DNAH3: variants seen among roughly 807,000 people sequenced by gnomAD.
DNAH3 encodes axonemal beta dynein heavy chain 3.
Under a neutral mutation model 432.5 loss-of-function variants are expected in DNAH3, and 332 were observed. The ratio of observed to expected loss-of-function variants is 0.77; its 90% confidence interval spans 0.70 to 0.84. DNAH3 has a LOEUF of 0.84. Among genes scored for constraint, DNAH3 ranks in the 40% least tolerant of loss-of-function variants. The probability of loss-of-function intolerance (pLI) is 0.00; values close to 1 mark genes in which losing one functional copy is unlikely to be tolerated. For missense variants in DNAH3, 4,861 were observed against 5,114.0 expected (o/e 0.95, Z 1.51); for synonymous variants, 1,956 against 1,900.2 (o/e 1.03, Z -0.76).
rs1454809884 is a variant in DNAH3, at chr16:20,986,890, G to A, written c.7026+415C>T. On this transcript the variant is annotated intron_variant, in intron 47 of 61. Transcript: ENST00000261383. ...ATGTTTAAAACAACTTTTCTTATAT[G>A]GAAATGGAAAAGAGAAAATATTCAC... 2.0e-5 allele frequency among the ~76,000 whole-genome samples: 3 copies of A among 152,212 alleles called. No homozygotes were observed. The East Asian group carries it at 5.8e-4, about 29-fold the overall frequency.
At chr16:21,051,860 C>A in exon 29 of DNAH3, 1 of 1,614,182 alleles carries the variant, frequency 6.2e-7, no homozygotes, top group Non-Finnish European at 8.5e-7. Context: ...TTGGCCACCA[C>A]GTCGCGGGCT....
intron 7 of DNAH3, among the ~76,000 whole-genome samples, chr16:21,132,012 T>A (rs551905212): frequency 6.6e-6 from 1 of 152,312 alleles, no homozygotes; most frequent in Non-Finnish European, 1.5e-5. Flanking sequence ...TATTACTTTA[T>A]ATGGTTCCAC....
chr16:21,159,343 C>A, exon 1 of DNAH3: 1 of 1,614,176 alleles, frequency 6.2e-7, no homozygotes, highest in Non-Finnish European at 8.5e-7. Flanking sequence ...CACTCCCTTC[C>A]TCCTCTCCTT....
At chr16:20,936,296 G>T (rs1478622305) in intron 60 of DNAH3, among the ~76,000 whole-genome samples, 1 of 151,976 alleles carries the variant, frequency 6.6e-6, no homozygotes, top group African/African-American at 2.4e-5. Flanking sequence ...GAGACTACAG[G>T]CATAAGCCAC....
At chr16:21,150,315 C>A in intron 1 of DNAH3, 1 of 455,750 alleles carries the variant, frequency 2.2e-6, no homozygotes, top group Non-Finnish European at 4.4e-6. Flanking sequence ...ATCCATGTCA[C>A]CCATGGTGTC....
intron 11 of DNAH3, among the ~76,000 whole-genome samples, chr16:21,119,786 C>T (rs537936746): frequency 9.2e-4 from 140 of 151,652 alleles, no homozygotes; most frequent in African/African-American, 3.3e-3. Context: ...TTAGTAGAGA[C>T]GGGGTTTCAC....
chr16:20,982,068 A>G (rs924023041), intron 49 of DNAH3, among the ~76,000 whole-genome samples: 1 of 150,366 alleles, frequency 6.7e-6, no homozygotes, highest in Non-Finnish European at 1.5e-5. Flanking sequence ...TATACATAAA[A>G]GAGTAAATTT....
exon 53 of DNAH3, chr16:20,965,171 G>A (rs758481312): frequency 2.5e-5 from 41 of 1,613,950 alleles, no homozygotes; most frequent in South Asian, 1.8e-4. Flanking sequence ...AGTCGCTCCC[G>A]TTTGGGAGCC....
chr16:21,151,261 C>A (rs79166511), intron 1 of DNAH3, among the ~76,000 whole-genome samples: 1 of 151,412 alleles, frequency 6.6e-6, no homozygotes, highest in Non-Finnish European at 1.5e-5. Flanking sequence ...AACGGGATAA[C>A]GTGTACAGAG....
At chr16:21,003,720 A>T (rs752794191) in intron 41 of DNAH3, among the ~76,000 whole-genome samples, 99 of 152,182 alleles carry the variant, frequency 6.5e-4, no homozygotes, top group Admixed American at 1.4e-3. Context: ...GGTTGCAGTG[A>T]GCCGAGATTG....
At chr16:21,005,175 CTTTT>C (rs1441166110) in intron 41 of DNAH3, among the ~76,000 whole-genome samples, 6 of 149,712 alleles carry the variant, frequency 4.0e-5, no homozygotes, top group Admixed American at 4.0e-4. Flanking sequence ...CTTTCTTTTT[CTTTT>C]TCTTTCTCTT....
intron 12 of DNAH3, among the ~76,000 whole-genome samples, chr16:21,114,398 G>A (rs1040337838): frequency 6.6e-6 from 1 of 152,146 alleles, no homozygotes; most frequent in Admixed American, 6.5e-5. Flanking sequence ...GGGATGGTCT[G>A]GTTTAAAATA....
chr16:21,013,699 A>G (rs1248096085), intron 41 of DNAH3, among the ~76,000 whole-genome samples: 1 of 149,744 alleles, frequency 6.7e-6, no homozygotes, highest in Non-Finnish European at 1.5e-5. Context: ...AGCCTGGGCA[A>G]CAAGAGTGAA....
At chr16:21,001,672 T>C (rs930963975) in intron 42 of DNAH3, among the ~76,000 whole-genome samples, 1 of 152,122 alleles carries the variant, frequency 6.6e-6, no homozygotes, top group African/African-American at 2.4e-5. Context: ...CCTACAGTCT[T>C]CCCAGTAACC....
chr16:21,111,142 A>G (rs1422230160), intron 14 of DNAH3, among the ~76,000 whole-genome samples: 1 of 152,226 alleles, frequency 6.6e-6, no homozygotes, highest in African/African-American at 2.4e-5. Context: ...TGATCAGGCC[A>G]CTGCACTCCA....
At chr16:20,946,325 C>T (rs2084042656) in intron 57 of DNAH3, among the ~76,000 whole-genome samples, 1 of 152,174 alleles carries the variant, frequency 6.6e-6, no homozygotes, top group Non-Finnish European at 1.5e-5. Context: ...TTTAAATCTA[C>T]CTATAACCTG....
At chr16:20,986,027 TG>T (rs2086177634) in intron 47 of DNAH3, among the ~76,000 whole-genome samples, 2 of 151,912 alleles carry the variant, frequency 1.3e-5, no homozygotes, top group Admixed American at 6.6e-5. Context: ...GGCTAATTTT[TG>T]TATTTTTGTA....
intron 30 of DNAH3, 53 bp downstream of exon 30, chr16:21,049,857 G>C: frequency 6.8e-7 from 1 of 1,474,306 alleles, no homozygotes. Flanking sequence ...TCCCACAGGA[G>C]GGGTGCAGAG....
intron 31 of DNAH3, among the ~76,000 whole-genome samples, chr16:21,047,101 C>T (rs1239289547): frequency 2.0e-5 from 3 of 151,642 alleles, no homozygotes; most frequent in East Asian, 3.9e-4. Flanking sequence ...CTCTGGCTGC[C>T]CTTAACATTT....
Sources: allele counts gnomAD v4.1 joint callset (sites outside exome capture counted in the v4.1 genomes callset), GRCh38; gene constraint gnomAD v4.1.1; transcripts MANE v1.5; gene names NCBI Gene and HGNC (gene_info 2026-07-23, HGNC 2026-07-21).